The following ULBP2 variants were observed in gnomAD, a reference collection of about 807,000 sequenced individuals.
ULBP2 encodes the protein UL16-binding protein 2.
In ULBP2, 21 loss-of-function variants were observed where a neutral mutation model predicts 23.6. The observed-to-expected ratio is 0.89, with a 90% CI of 0.63 to 1.28. ULBP2 has a LOEUF of 1.28. Among genes scored for constraint, ULBP2 ranks in the 50% most tolerant of loss-of-function variants. The probability of loss-of-function intolerance (pLI) is 0.00; values close to 1 mark genes in which losing one functional copy is unlikely to be tolerated. For synonymous variants in ULBP2, 82 were observed against 112.8 expected, an observed-to-expected ratio of 0.73 and a Z score of 1.73; for missense variants, 251 against 306.0, an observed-to-expected ratio of 0.82 and a Z score of 1.34.
At chr6:149,948,165 G>A (rs1778972000) in intron 4 of ULBP2, among the ~76,000 whole-genome samples, 1 of 152,190 alleles carries the variant, frequency 6.6e-6, no homozygotes, top group Admixed American at 6.5e-5. Context: ...GCCCTGCCTG[G>A]AGCAGAGTGG....
At chr6:149,948,439 G>C (rs578049943) in intron 4 of ULBP2, among the ~76,000 whole-genome samples, 3 of 152,244 alleles carry the variant, frequency 2.0e-5, no homozygotes, top group Admixed American at 2.0e-4. Flanking sequence ...TCAGATCATA[G>C]AGAGGGCCTT....
At position 149,945,414 on chromosome 6, in the gene ULBP2, A is replaced by G; in HGVS notation, c.191A>G (p.Tyr64Cys). 2.5e-6 allele frequency: 4 copies of G among 1,613,916 alleles called. No homozygotes were observed. Among genetic ancestry groups the G allele is most frequent in the East Asian group, 2.2e-5 (1 of 44,882 alleles). ...GQVDEKTFLH[Y>C]DCGNKTVTPV... ...GTGGATGAAAAGACTTTTCTTCACT[A>G]TGACTGTGGCAACAAGACAGTCACA... Residue 64 changes from tyrosine (Y) to cysteine (C), a missense_variant, in exon 2 of 5, where the codon TAT (tyrosine) becomes TGT (cysteine). Coordinates refer to ENST00000367351, the MANE Select transcript of ULBP2 (RefSeq NM_025217.4).
At chr6:149,942,209 G>C in intron 1 of ULBP2, 52 bp downstream of exon 1, 1 of 1,569,452 alleles carries the variant, frequency 6.4e-7, no homozygotes, top group South Asian at 1.2e-5. Context: ...CTGGAGGGCT[G>C]TGAACTGCCG....
rs1296573573 is a variant in ULBP2 at position 149,942,228 on chromosome 6, A to G, written c.85+71A>G. 3.3e-6 allele frequency: 5 copies of G among 1,500,974 alleles called. No homozygotes were observed. In the East Asian group the frequency reaches 7.1e-5, roughly 21 times the overall value. 93.0% of individuals were successfully genotyped at this position (1,500,974 alleles called of 1,614,324 possible). A position where few individuals can be genotyped will look rare whatever the true frequency, so the allele number is the denominator to read the frequency against. On this transcript the variant is annotated intron_variant, in intron 1 of 4. Transcript: ENST00000367351. ...AGGGCTGTGAACTGCCGCGGGTTTC[A>G]GAGGAGGGGAGGCTTCTAGAAGGAC...
At position 149,946,535 on chromosome 6, in the gene ULBP2, G is replaced by A; in HGVS notation, c.513G>A (p.Lys171=). 1 of 1,614,204 alleles carries A rather than the reference G, an allele frequency of 6.2e-7. No individual in the cohort carries two copies. Among genetic ancestry groups the A allele is most frequent in the East Asian group, 2.2e-5 (1 of 44,878 alleles). Residue 171 remains lysine, a synonymous_variant, in exon 3 of 5, where the codon AAG becomes AAA. Transcript: ENST00000367351. The part of the protein sequence containing the change: ...VHPGARKMKE[K]WENDKVVAMS... ...CTGGAGCCAGAAAGATGAAAGAAAA[G>A]TGGGAGAATGACAAGGTTGTGGCCA...
chr6:149,946,564 C>G lies in ULBP2; in HGVS notation c.542C>G (p.Ser181Cys). ...KWENDKVVAM[S>C]FHYFSMGDCI... ...GAGAATGACAAGGTTGTGGCCATGTCCTTCCATTACTTCTCAATGGGAGAC... is the reference window on the plus strand; with the variant it reads ...GAGAATGACAAGGTTGTGGCCATGTGCTTCCATTACTTCTCAATGGGAGAC... The change falls in exon 3 of 5, where the codon TCC becomes TGC. Residue 181 changes from serine to cysteine, a missense_variant. This residue lies in a region of ULBP2 where 248 missense variants were observed against 258.9 expected (regional missense o/e 0.96). Coordinates refer to ENST00000367351, the MANE Select transcript of ULBP2 (RefSeq NM_025217.4). 1 of 1,614,138 alleles carries G rather than the reference C, an allele frequency of 6.2e-7. No individual in the cohort carries two copies. Among genetic ancestry groups the G allele is most frequent in the Non-Finnish European group, 8.5e-7 (1 of 1,180,034 alleles).
Position 149,946,414 on chromosome 6 carries a change from C to G in ULBP2, c.392C>G (p.Ala131Gly), listed in dbSNP as rs1161014999. The G allele has an allele frequency of 6.2e-7, 1 of 1,614,004 alleles. No individual in the cohort carries two copies. The highest frequency in any genetic ancestry group is 1.3e-5 in the African/African-American group (1 of 74,876). Residue 131 changes from alanine (A) to glycine (G), a missense_variant, in exon 3 of 5, where the codon GCT (alanine) becomes GGT (glycine). Around this residue, in one of 2 missense-constraint regions of ULBP2, gnomAD observed 248 missense variants for 258.9 expected, o/e 0.96. Transcript: ENST00000367351. The part of the protein sequence containing the change: ...LQARMSCEQK[A>G]EGHSSGSWQF... ...GCAAGGATGTCTTGTGAGCAGAAAG[C>G]TGAAGGACACAGCAGTGGATCTTGG...
intron 3 of ULBP2, among the ~76,000 whole-genome samples, chr6:149,946,976 C>G (rs1247995446): frequency 6.6e-6 from 1 of 152,124 alleles, no homozygotes; most frequent in African/African-American, 2.4e-5. Flanking sequence ...CTTTTCCTTT[C>G]CTTTCCCTGG....
rs1047969500 is a variant in ULBP2 at position 149,947,229 on chromosome 6, C to T, written c.632-91C>T. 3.2e-6 allele frequency: 5 copies of T among 1,579,676 alleles called. No individual in the cohort carries two copies. The African/African-American group carries it at 4.1e-5, about 13-fold the overall frequency. The stretch of plus-strand genomic sequence containing the variant: ...GGGGAGAGGACAAAACTTTTGCCTT[C>T]CAGGATGACCTAGGGTGGCAGGAAC... On this transcript the variant is annotated intron_variant, in intron 3 of 4. Coordinates refer to ENST00000367351, the MANE Select transcript of ULBP2 (RefSeq NM_025217.4).
At position 149,942,052 on chromosome 6, in the gene ULBP2, C is replaced by T. The variant is rs1480897537; in HGVS notation, c.-21C>T. On this transcript the variant is annotated 5_prime_UTR_variant, in exon 1 of 5. Coordinates refer to ENST00000367351, the MANE Select transcript of ULBP2 (RefSeq NM_025217.4). ...GCTCTCCTTCCATCAAGTCTCTCAT[C>T]CCTAGCGCTCTGGGTCCTTAATGGC... 6.2e-7 allele frequency: 1 copy of T among 1,611,634 alleles called. No homozygotes were observed. Among genetic ancestry groups the T allele is most frequent in the Non-Finnish European group, 8.5e-7 (1 of 1,178,922 alleles).
rs1450653853 is a variant in ULBP2 at position 149,942,058 on chromosome 6, C to A, written c.-15C>A. 6.2e-7 allele frequency: 1 copy of A among 1,612,230 alleles called. No homozygotes were observed. The highest frequency in any genetic ancestry group is 2.2e-5 in the East Asian group (1 of 44,848). ...CTTCCATCAAGTCTCTCATCCCTAGCGCTCTGGGTCCTTAATGGCAGCAGC... is the reference window on the plus strand; with the variant it reads ...CTTCCATCAAGTCTCTCATCCCTAGAGCTCTGGGTCCTTAATGGCAGCAGC... On this transcript the variant is annotated 5_prime_UTR_variant, in exon 1 of 5. Coordinates refer to ENST00000367351, the MANE Select transcript of ULBP2 (RefSeq NM_025217.4).
intron 4 of ULBP2, among the ~76,000 whole-genome samples, chr6:149,948,085 G>C (rs114021595): frequency 1.3e-5 from 2 of 152,184 alleles, no homozygotes; most frequent in African/African-American, 2.4e-5. Flanking sequence ...TGTGCAGCTC[G>C]AGTCTGGGCC....
In ULBP2 at chr6:149,949,039, A is replaced by G. The variant is rs1489185898; in HGVS notation, c.*339A>G. Reference sequence around the variant, plus strand: ...TTTGGAAAATCAAGTACTTCTTTGAATGATGATCTCTTTCTTGCAAATGAT... The same window carrying G: ...TTTGGAAAATCAAGTACTTCTTTGAGTGATGATCTCTTTCTTGCAAATGAT... On this transcript the variant is annotated 3_prime_UTR_variant, in exon 5 of 5. Coordinates refer to ENST00000367351, the MANE Select transcript of ULBP2 (RefSeq NM_025217.4). 1 of 194,090 alleles carries G rather than the reference A, an allele frequency of 5.2e-6. No individual in the cohort carries two copies. The highest frequency in any genetic ancestry group is 1.1e-5 in the Non-Finnish European group (1 of 93,532). The allele number at this position is 194,090 out of a possible 1,614,324, so 12.0% of individuals were successfully genotyped here.
Position 149,948,754 on chromosome 6 carries a change from C to G in ULBP2, c.*54C>G, listed in dbSNP as rs528709775. The G allele has an allele frequency of 2.2e-6, 1 of 456,750 alleles. No homozygotes were observed. 28.3% of individuals were successfully genotyped at this position (456,750 alleles called of 1,614,324 possible). A position where few individuals can be genotyped will look rare whatever the true frequency, so the allele number is the denominator to read the frequency against. On this transcript the variant is annotated 3_prime_UTR_variant, in exon 5 of 5. Transcript: ENST00000367351. ...GCTGATACCAAAAGGCTCCTGTGAGCACGGTCTTGATCAAACTCGCCCTTC... is the reference window on the plus strand; with the variant it reads ...GCTGATACCAAAAGGCTCCTGTGAGGACGGTCTTGATCAAACTCGCCCTTC...
chr6:149,942,681 G>T (rs900230699), intron 1 of ULBP2, among the ~76,000 whole-genome samples: 1 of 152,074 alleles, frequency 6.6e-6, no homozygotes, highest in East Asian at 1.9e-4. Flanking sequence ...GCACCCAGGG[G>T]CTCAGCAGAC....
chr6:149,943,795 C>T (rs1778898215), intron 1 of ULBP2, among the ~76,000 whole-genome samples: 1 of 152,006 alleles, frequency 6.6e-6, no homozygotes, highest in African/African-American at 2.4e-5. Flanking sequence ...GTGGCATTGC[C>T]TTGTCTCTGA....
At position 149,942,295 on chromosome 6, in the gene ULBP2, C is replaced by A. The variant is rs1188903902; in HGVS notation, c.85+138C>A. Reference sequence around the variant, plus strand: ...AACTGCGCCCCCGTTCAGTTCCGGTCGGCGGCTCCTTCCTGCTGGGTGCAG... The same window carrying A: ...AACTGCGCCCCCGTTCAGTTCCGGTAGGCGGCTCCTTCCTGCTGGGTGCAG... On this transcript the variant is annotated intron_variant, in intron 1 of 4. Coordinates refer to ENST00000367351, the MANE Select transcript of ULBP2 (RefSeq NM_025217.4). The A allele has an allele frequency of 2.2e-5, 20 of 889,748 alleles. No homozygotes were observed. The East Asian group carries it at 4.5e-4, about 20-fold the overall frequency. The allele number at this position is 889,748 out of a possible 1,614,324, so 55.1% of individuals were successfully genotyped here.
At chr6:149,944,944 G>A (rs1189661747) in intron 1 of ULBP2, among the ~76,000 whole-genome samples, 13 of 148,658 alleles carry the variant, frequency 8.7e-5, no homozygotes, top group South Asian at 2.2e-4. Flanking sequence ...CCCACCTCCC[G>A]CAGTCCACGT....
At position 149,942,324 on chromosome 6, in the gene ULBP2, C is replaced by T. The variant is rs561677283; in HGVS notation, c.85+167C>T. On this transcript the variant is annotated intron_variant, in intron 1 of 4. Transcript: ENST00000367351. ...GGCTCCTTCCTGCTGGGTGCAGTCC[C>T]CGAGGCTGCTTCTTGCCCGGGAAGA... Among the ~76,000 whole-genome samples, 4 of 152,282 alleles carry T rather than the reference C, an allele frequency of 2.6e-5. No individual in the cohort carries two copies. In the East Asian group the frequency reaches 7.7e-4, roughly 29 times the overall value.
Sources: allele counts gnomAD v4.1 joint callset (sites outside exome capture counted in the v4.1 genomes callset), GRCh38; gene constraint gnomAD v4.1.1; regional missense constraint gnomAD v4.1.1; transcripts MANE v1.5; gene names NCBI Gene and HGNC (gene_info 2026-07-23, HGNC 2026-07-21).